Variants in GNA12 observed in about 807,000 individuals in gnomAD.
GNA12 encodes guanine nucleotide-binding protein subunit alpha-12.
In GNA12, 9 loss-of-function variants were observed where a neutral mutation model predicts 26.0. The observed-to-expected ratio is 0.35, with a 90% CI of 0.21 to 0.60. The LOEUF is 0.60. GNA12 is among the 20% of genes least tolerant of loss of function. The pLI is 0.78. For synonymous variants in GNA12, 264 were observed against 219.6 expected (o/e 1.20, Z -1.79); for missense variants, 405 against 525.8 (o/e 0.77, Z 2.25).
intron 2 of GNA12, among the ~76,000 whole-genome samples, chr7:2,768,691 A>AAAAAAAAAAAAAAAAAAAAAAAAAAAAC (rs1562418608): frequency 7.0e-6 from 1 of 142,590 alleles, no homozygotes; most frequent in African/African-American, 2.6e-5. Flanking sequence ...ACAAAACAAA[A>AAAAAAAAAAAAAAAAAAAAAAAAAAAAC]AAAAAAACAG....
At chr7:2,743,304 ATTAGATG>A in intron 2 of GNA12, among the ~76,000 whole-genome samples, 1 of 152,330 alleles carries the variant, frequency 6.6e-6, no homozygotes, top group East Asian at 1.9e-4. Flanking sequence ...AAATATCAAC[ATTAGATG>A]GATGAACAGA....
chr7:2,815,005 T>C, intron 1 of GNA12: 1 of 1,535,864 alleles, frequency 6.5e-7, no homozygotes, highest in South Asian at 1.2e-5. Context: ...CCAGGTCTAA[T>C]CTCGCCCCTT....
rs149053854 is a variant in GNA12, at chr7:2,761,825, C to T, written c.526-28324G>A. On this transcript the variant is annotated intron_variant, in intron 2 of 3. Coordinates refer to ENST00000275364, the MANE Select transcript of GNA12 (RefSeq NM_007353.3). ...TGACCAACTAATGCTGCTTTCATACCCTGGATAGTGCTGAGTACCTAACAG... is the reference window on the plus strand; with the variant it reads ...TGACCAACTAATGCTGCTTTCATACTCTGGATAGTGCTGAGTACCTAACAG... Among the ~76,000 whole-genome samples the T allele has an allele frequency of 8.4e-4, 128 of 152,288 alleles. 1 individual carries two copies. Among genetic ancestry groups the T allele is most frequent in the African/African-American group, 2.9e-3 (120 of 41,550 alleles).
chr7:2,735,422 G>A (rs1217519075), intron 2 of GNA12, among the ~76,000 whole-genome samples: 1 of 151,880 alleles, frequency 6.6e-6, no homozygotes, highest in Non-Finnish European at 1.5e-5. Context: ...GCCCCAGCCA[G>A]TGCTCTTATC....
At chr7:2,788,028 G>A (rs548374356) in intron 2 of GNA12, among the ~76,000 whole-genome samples, 3 of 152,196 alleles carry the variant, frequency 2.0e-5, no homozygotes, top group South Asian at 4.1e-4. Context: ...GGTGGCAGGC[G>A]CCTGTAATCC....
intron 2 of GNA12, among the ~76,000 whole-genome samples, chr7:2,793,228 G>C (rs888955793): frequency 3.3e-5 from 5 of 152,100 alleles, no homozygotes; most frequent in African/African-American, 1.2e-4. Flanking sequence ...AGACCAAGGG[G>C]ACACAATGAC....
At chr7:2,755,337 C>G (rs996360060) in intron 2 of GNA12, among the ~76,000 whole-genome samples, 4 of 152,242 alleles carry the variant, frequency 2.6e-5, no homozygotes, top group African/African-American at 9.6e-5. Flanking sequence ...ATCTGTGTAT[C>G]AATCAGGGGA....
At chr7:2,733,301 C>G (rs746590915) in intron 3 of GNA12, 150 bp downstream of exon 3, 1 of 674,286 alleles carries the variant, frequency 1.5e-6, no homozygotes, top group Non-Finnish European at 2.7e-6. Context: ...CAAGTGAGAG[C>G]GTGCCATTAC....
At chr7:2,758,545 G>T (rs1297284642) in intron 2 of GNA12, among the ~76,000 whole-genome samples, 1 of 152,152 alleles carries the variant, frequency 6.6e-6, no homozygotes, top group East Asian at 1.9e-4. Flanking sequence ...CTGTGATTGG[G>T]CGACTTTCAG....
rs185218337 is a variant in GNA12, at chr7:2,769,482, G to C, written c.525+25446C>G. Among the ~76,000 whole-genome samples, 952 of 151,820 alleles carry C rather than the reference G, an allele frequency of 6.3e-3. 7 individuals carry two copies. Among genetic ancestry groups the C allele is most frequent in the Middle Eastern group, 0.01 (3 of 288 alleles). ...ACGGTGGCTCATGTCTGTAATCCCA[G>C]CACTTTGGGAGGCCGAGGTCGGCGG... On this transcript the variant is annotated intron_variant, in intron 2 of 3. Coordinates refer to ENST00000275364, the MANE Select transcript of GNA12 (RefSeq NM_007353.3).
chr7:2,780,048 G>GTACA (rs1554259619), intron 2 of GNA12, among the ~76,000 whole-genome samples: 48 of 84,722 alleles, frequency 5.7e-4, no homozygotes, highest in African/African-American at 2.4e-3. Context: ...ACATTTCTGT[G>GTACA]TACATATATA....
chr7:2,808,608 C>A (rs1458001748), intron 1 of GNA12, among the ~76,000 whole-genome samples: 1 of 152,214 alleles, frequency 6.6e-6, no homozygotes, highest in Admixed American at 6.5e-5. Flanking sequence ...AGGTCTGGCC[C>A]AGCCTGTCAG....
At chr7:2,734,862 G>A (rs1339691923) in intron 2 of GNA12, among the ~76,000 whole-genome samples, 1 of 152,220 alleles carries the variant, frequency 6.6e-6, no homozygotes, top group Non-Finnish European at 1.5e-5. Context: ...GCCCCAGGCA[G>A]AGGCCCAGCT....
At chr7:2,769,531 C>G (rs936259817) in intron 2 of GNA12, among the ~76,000 whole-genome samples, 6 of 151,904 alleles carry the variant, frequency 3.9e-5, no homozygotes, top group African/African-American at 1.5e-4. Context: ...GAGATTGAGA[C>G]CATCCTGGCC....
chr7:2,814,457 C>T (rs1793166835), intron 1 of GNA12: 1 of 930,286 alleles, frequency 1.1e-6, no homozygotes, highest in South Asian at 1.3e-5. Context: ...AGAATAAAGC[C>T]CTGCTCAAGC....
Position 2,733,000 on chromosome 7 carries a change from C to G in GNA12, c.576+451G>C, listed in dbSNP as rs115417894. ...GGAATTACTGCCAATTTTTCAGGAGCCATACGGTACTGCGGTTGTCATTTT... is the reference window on the plus strand; with the variant it reads ...GGAATTACTGCCAATTTTTCAGGAGGCATACGGTACTGCGGTTGTCATTTT... On this transcript the variant is annotated intron_variant, in intron 3 of 3. Coordinates refer to ENST00000275364, the MANE Select transcript of GNA12 (RefSeq NM_007353.3). Among the ~76,000 whole-genome samples, 785 of 152,242 alleles carry G rather than the reference C, an allele frequency of 5.2e-3. 7 individuals carry two copies. Among genetic ancestry groups the G allele is most frequent in the African/African-American group, 0.018 (740 of 41,534 alleles).
At chr7:2,816,747 C>G (rs2115490325) in intron 1 of GNA12, among the ~76,000 whole-genome samples, 1 of 152,338 alleles carries the variant, frequency 6.6e-6, no homozygotes, top group East Asian at 1.9e-4. Flanking sequence ...AACACCTACT[C>G]TGTCCAGGCA....
chr7:2,750,452 C>A (rs1423705451), intron 2 of GNA12, among the ~76,000 whole-genome samples: 2 of 152,226 alleles, frequency 1.3e-5, no homozygotes, highest in African/African-American at 4.8e-5. Flanking sequence ...ATGCCTGAAG[C>A]CTTGAATAAT....
Position 2,792,649 on chromosome 7 carries a change from C to T in GNA12, c.525+2279G>A, listed in dbSNP as rs117075841. The stretch of plus-strand genomic sequence containing the variant: ...CCTCAATTTCACATTGAGATACTGA[C>T]ATGTATTTCCCAATTGTTTCTTCCA... On this transcript the variant is annotated intron_variant, in intron 2 of 3. Coordinates refer to ENST00000275364, the MANE Select transcript of GNA12 (RefSeq NM_007353.3). Among the ~76,000 whole-genome samples the T allele has an allele frequency of 1.4e-3, 207 of 152,334 alleles. 4 individuals are homozygous for T. Among genetic ancestry groups the T allele is most frequent in the Admixed American group, 9.2e-3 (140 of 15,298 alleles).
Sources: allele counts gnomAD v4.1 joint callset (sites outside exome capture counted in the v4.1 genomes callset), GRCh38; gene constraint gnomAD v4.1.1; transcripts MANE v1.5; gene names NCBI Gene and HGNC (gene_info 2026-07-23, HGNC 2026-07-21).